WWC2: variants seen among roughly 807,000 people sequenced by gnomAD.
The protein encoded by WWC2 is protein WWC2.
In WWC2, 101 loss-of-function variants were observed where a neutral mutation model predicts 138.5. The observed-to-expected ratio is 0.73, with a 90% CI of 0.62 to 0.86. The LOEUF (loss-of-function observed/expected upper bound fraction) is 0.86, where lower values mean the gene tolerates loss of function less well. WWC2 is among the 40% of genes least tolerant of loss of function. The pLI is 0.00. For synonymous variants in WWC2, 558 were observed against 538.4 expected (o/e 1.04, Z -0.50); for missense variants, 1,420 against 1,419.4 (o/e 1.00, Z -0.01).
chr4:183,224,934 AATT>A (rs1369931932), intron 4 of WWC2, among the ~76,000 whole-genome samples: 3 of 152,150 alleles, frequency 2.0e-5, no homozygotes, highest in African/African-American at 7.2e-5. Flanking sequence ...AGGTCATTGT[AATT>A]ATTATGCTTA....
At chr4:183,119,162 C>T (rs536866025) in intron 1 of WWC2, among the ~76,000 whole-genome samples, 1 of 152,212 alleles carries the variant, frequency 6.6e-6, no homozygotes, top group East Asian at 1.9e-4. Flanking sequence ...TAGTGAAGGA[C>T]ACAGGTTGGC....
intron 5 of WWC2, among the ~76,000 whole-genome samples, chr4:183,242,272 A>G (rs571133690): frequency 5.6e-4 from 86 of 152,354 alleles, no homozygotes; most frequent in African/African-American, 2.0e-3. Context: ...AGGGACTTAT[A>G]TTTGTGGCAT....
intron 1 of WWC2, among the ~76,000 whole-genome samples, chr4:183,174,215 T>A (rs1038805980): frequency 6.6e-6 from 1 of 152,204 alleles, no homozygotes; most frequent in African/African-American, 2.4e-5. Flanking sequence ...CCCATCTGAT[T>A]AAGTCTTTCT....
chr4:183,142,477 G>A lies in WWC2; in HGVS notation c.131+42855G>A, dbSNP rs144404029. On this transcript the variant is annotated intron_variant, in intron 1 of 22. Transcript: ENST00000403733. ...ATGGGTTGCTGAGTTTTCAACCCAA[G>A]TACAGTACTCTTAATGGAAAGAAGG... Among the ~76,000 whole-genome samples the A allele has an allele frequency of 2.6e-3, 400 of 152,290 alleles. 2 individuals are homozygous for A. Among genetic ancestry groups the A allele is most frequent in the Middle Eastern group, 0.014 (4 of 294 alleles).
At chr4:183,263,188 C>G (rs1737390017) in intron 11 of WWC2, among the ~76,000 whole-genome samples, 1 of 152,140 alleles carries the variant, frequency 6.6e-6, no homozygotes, top group African/African-American at 2.4e-5. Context: ...ATCTTTTGAC[C>G]TTTCAAGGTA....
intron 21 of WWC2, among the ~76,000 whole-genome samples, chr4:183,291,457 C>G (rs1473487380): frequency 2.0e-5 from 3 of 152,206 alleles, no homozygotes; most frequent in Admixed American, 2.0e-4. Context: ...TTTTTACTCT[C>G]TTGAGTTTTT....
Position 183,100,099 on chromosome 4 carries a change from G to GC in WWC2, c.131+480dup, listed in dbSNP as rs1256318358. 2.0e-5 allele frequency among the ~76,000 whole-genome samples: 3 copies of GC among 152,218 alleles called. No individual in the cohort carries two copies. The East Asian group carries it at 5.8e-4, about 29-fold the overall frequency. ...TGGGCTGCGAGCTCTTGGCGGGGGC[G>GC]CCCAGACTGGCCGGAGGTCCCGAGC... On this transcript the variant is annotated intron_variant, in intron 1 of 22. Coordinates refer to ENST00000403733, the MANE Select transcript of WWC2 (RefSeq NM_024949.6).
intron 11 of WWC2, among the ~76,000 whole-genome samples, chr4:183,263,583 T>C (rs151105015): frequency 6.6e-6 from 1 of 152,346 alleles, no homozygotes; most frequent in African/African-American, 2.4e-5. Flanking sequence ...CAGTTGCATG[T>C]CTGAAAACAA....
chr4:183,259,887 T>C (rs1438409386), intron 10 of WWC2, among the ~76,000 whole-genome samples, 159 bp downstream of exon 10: 1 of 152,244 alleles, frequency 6.6e-6, no homozygotes, highest in African/African-American at 2.4e-5. Context: ...ACATTTTCTT[T>C]TGCATGAACC....
At chr4:183,279,690 C>T (rs1456928203) in intron 16 of WWC2, among the ~76,000 whole-genome samples, 1 of 151,990 alleles carries the variant, frequency 6.6e-6, no homozygotes, top group Non-Finnish European at 1.5e-5. Flanking sequence ...CAACTTCTTC[C>T]TGGTTTAGTC....
At chr4:183,262,391 A>ACAGGGCAGGGCTCTG (rs1430637748) in intron 11 of WWC2, among the ~76,000 whole-genome samples, 1 of 152,216 alleles carries the variant, frequency 6.6e-6, no homozygotes, top group Non-Finnish European at 1.5e-5. Flanking sequence ...ACCACACAAA[A>ACAGGGCAGGGCTCTG]CAGGGCAGGG....
chr4:183,250,234 TG>T (rs1188241819), intron 8 of WWC2, among the ~76,000 whole-genome samples: 1 of 146,702 alleles, frequency 6.8e-6, no homozygotes, highest in African/African-American at 2.5e-5. Flanking sequence ...CAAATGAACT[TG>T]CCCCCTTCTC....
chr4:183,254,699 A>G (rs1195880394), intron 9 of WWC2, among the ~76,000 whole-genome samples: 1 of 152,200 alleles, frequency 6.6e-6, no homozygotes, highest in African/African-American at 2.4e-5. Flanking sequence ...TGGGTTGGAT[A>G]CCTGTTTCAG....
rs1394707135 is a variant in WWC2 at position 183,137,317 on chromosome 4, T to TG, written c.131+37696dup. ...CTAAAACACACACACATTGTACACC[T>TG]GTTCAAAAATATCTTTTCTTTGTGT... On this transcript the variant is annotated intron_variant, in intron 1 of 22. Coordinates refer to ENST00000403733, the MANE Select transcript of WWC2 (RefSeq NM_024949.6). Among the ~76,000 whole-genome samples, 3 of 152,310 alleles carry TG rather than the reference T, an allele frequency of 2.0e-5. No homozygotes were observed. In the East Asian group the frequency reaches 5.8e-4, roughly 29 times the overall value.
At chr4:183,267,421 A>T (rs1027526597) in intron 14 of WWC2, among the ~76,000 whole-genome samples, 1 of 152,218 alleles carries the variant, frequency 6.6e-6, no homozygotes, top group African/African-American at 2.4e-5. Context: ...CTACCAGTAG[A>T]TAAGCTGTGA....
At position 183,109,783 on chromosome 4, in the gene WWC2, A is replaced by G. The variant is rs148910770; in HGVS notation, c.131+10161A>G. 6.0e-3 allele frequency among the ~76,000 whole-genome samples: 909 copies of G among 152,224 alleles called. 8 individuals carry two copies. The highest frequency in any genetic ancestry group is 0.014 in the Middle Eastern group (4 of 292). On this transcript the variant is annotated intron_variant, in intron 1 of 22. Transcript: ENST00000403733. ...TCCACAAGGGATTTGGACTCTAGGT[A>G]CTGTGTGGGACAAAGGTGAGTCAGA...
intron 8 of WWC2, 138 bp from the exon 9 acceptor site, chr4:183,253,619 G>A (rs989756953): frequency 2.0e-5 from 21 of 1,032,768 alleles, no homozygotes; most frequent in Non-Finnish European, 2.7e-5. Context: ...CCTCTCACCA[G>A]TAGACCACAC....
chr4:183,204,897 C>CAACATGTGTTTGAGAGTCTT (rs1208857178), intron 2 of WWC2, among the ~76,000 whole-genome samples: 1 of 152,272 alleles, frequency 6.6e-6, no homozygotes, highest in South Asian at 2.1e-4. Flanking sequence ...TCTTTTCACT[C>CAACATGTGTTTGAGAGTCTT]AACATGTGTT....
chr4:183,172,525 G>GT (rs1734319191), intron 1 of WWC2, among the ~76,000 whole-genome samples: 1 of 141,074 alleles, frequency 7.1e-6, no homozygotes, highest in East Asian at 2.1e-4. Context: ...CCAGTGTTGT[G>GT]TTTGAGAGGT....
Sources: gnomAD v4.1 joint callset for allele counts (sites outside exome capture counted in the v4.1 genomes callset) on GRCh38, gnomAD v4.1.1 for gene constraint, MANE v1.5 for transcripts, NCBI Gene and HGNC (gene_info 2026-07-23, HGNC 2026-07-21) for gene names.